Variants in AGBL1 observed in about 807,000 individuals in gnomAD.
The protein encoded by AGBL1 is AGBL carboxypeptidase 1.
A neutral mutation model predicts 118.9 loss-of-function variants in AGBL1; 130 were observed. The observed-to-expected ratio is 1.09, with a 90% CI of 0.95 to 1.26. The LOEUF (loss-of-function observed/expected upper bound fraction) is 1.26, where lower values mean the gene tolerates loss of function less well. Ranked by LOEUF, AGBL1 falls within the 50% of genes most tolerant of loss-of-function variation. The pLI is 0.00. For synonymous variants in AGBL1, 555 were observed against 478.9 expected (o/e 1.16, Z -2.08); for missense variants, 1,584 against 1,298.1 (o/e 1.22, Z -3.38).
chr15:86,847,502 G>T (rs189988438), intron 22 of AGBL1, among the ~76,000 whole-genome samples: 3 of 152,272 alleles, frequency 2.0e-5, no homozygotes. Flanking sequence ...GGCTGCTGTT[G>T]TTTCTACTCA....
intron 22 of AGBL1, among the ~76,000 whole-genome samples, chr15:86,811,052 A>G (rs930781762): frequency 1.3e-5 from 2 of 151,952 alleles, no homozygotes; most frequent in Admixed American, 6.5e-5. Context: ...TTAGAGAAAG[A>G]GAGAAGATGA....
chr15:86,655,664 C>G (rs541115120), intron 21 of AGBL1, among the ~76,000 whole-genome samples: 2 of 152,164 alleles, frequency 1.3e-5, no homozygotes, highest in East Asian at 1.9e-4. Flanking sequence ...AGAAATTGCC[C>G]TGGTGTGTTA....
At chr15:86,757,961 C>G (rs911167433) in intron 22 of AGBL1, among the ~76,000 whole-genome samples, 1 of 152,118 alleles carries the variant, frequency 6.6e-6, no homozygotes, top group Non-Finnish European at 1.5e-5. Flanking sequence ...CCATCTCTAA[C>G]AAAGAGAATA....
At chr15:86,739,911 G>A (rs908069152) in intron 22 of AGBL1, among the ~76,000 whole-genome samples, 6 of 152,126 alleles carry the variant, frequency 3.9e-5, no homozygotes, top group African/African-American at 1.4e-4. Context: ...CTGCTATGAA[G>A]AGAAATGTTT....
At chr15:86,168,569 T>C (rs1597486302) in intron 5 of AGBL1, among the ~76,000 whole-genome samples, 1 of 152,138 alleles carries the variant, frequency 6.6e-6, no homozygotes, top group South Asian at 2.1e-4. Context: ...CTGAAAAAGC[T>C]CAATAATAGG....
At chr15:86,664,874 T>C (rs2085615187) in intron 21 of AGBL1, among the ~76,000 whole-genome samples, 1 of 152,180 alleles carries the variant, frequency 6.6e-6, no homozygotes, top group South Asian at 2.1e-4. Flanking sequence ...TTAATTCAGA[T>C]ACACTTTTTT....
chr15:86,747,032 G>A (rs891493212), intron 22 of AGBL1, among the ~76,000 whole-genome samples: 2 of 151,970 alleles, frequency 1.3e-5, no homozygotes, highest in Non-Finnish European at 2.9e-5. Context: ...AATGGAAACT[G>A]GAAGTGAATA....
intron 4 of AGBL1, among the ~76,000 whole-genome samples, chr15:86,157,496 G>C (rs1336496170): frequency 6.6e-6 from 1 of 152,142 alleles, no homozygotes; most frequent in Admixed American, 6.5e-5. Context: ...CTTCAGCTGA[G>C]TTCTGAGAAG....
chr15:86,669,936 T>C (rs1224425397), intron 21 of AGBL1, among the ~76,000 whole-genome samples: 1 of 152,168 alleles, frequency 6.6e-6, no homozygotes, highest in Admixed American at 6.5e-5. Context: ...CTTGACTTTA[T>C]TCAACTTTAT....
intron 5 of AGBL1, among the ~76,000 whole-genome samples, chr15:86,205,431 C>T (rs1333538753): frequency 1.3e-5 from 2 of 152,202 alleles, no homozygotes; most frequent in African/African-American, 4.8e-5. Flanking sequence ...TGCAGATTTT[C>T]ATGTGGAGAT....
chr15:86,200,266 CCAGTGT>C (rs1039738214), intron 5 of AGBL1, among the ~76,000 whole-genome samples: 15 of 152,130 alleles, frequency 9.9e-5, no homozygotes, highest in Middle Eastern at 3.4e-3. Flanking sequence ...AGAAAAAGAA[CCAGTGT>C]CATTAAATTG....
At chr15:86,920,830 T>G (rs1038318147), downstream of AGBL1, among the ~76,000 whole-genome samples, 4 of 152,198 alleles carry the variant, frequency 2.6e-5, no homozygotes, top group African/African-American at 7.2e-5. Context: ...CATCTAAAAA[T>G]GTACTCTCTT....
chr15:86,314,276 ATAGCC>A (rs1310909220), intron 17 of AGBL1, among the ~76,000 whole-genome samples: 4 of 152,228 alleles, frequency 2.6e-5, no homozygotes, highest in Non-Finnish European at 1.5e-5. Flanking sequence ...CTAAACCAGG[ATAGCC>A]TGTTGCATGC....
In AGBL1 at chr15:86,476,069, T is replaced by C. The variant is rs1372552944; in HGVS notation, c.2556-46741T>C. Among the ~76,000 whole-genome samples, 8 of 152,098 alleles carry C rather than the reference T, an allele frequency of 5.3e-5. No homozygotes were observed. The South Asian group carries it at 1.5e-3, about 28-fold the overall frequency. The stretch of plus-strand genomic sequence containing the variant: ...ACCACCAGGCCTGCCTTACAAGAGC[T>C]CCTGAAGGAAGTACTAAATATGGAA... On this transcript the variant is annotated intron_variant, in intron 18 of 22. Coordinates refer to ENST00000614907, the MANE Select transcript of AGBL1 (RefSeq NM_001386094.1).
chr15:86,108,849 T>G (rs1897202200), intron 1 of AGBL1, among the ~76,000 whole-genome samples: 1 of 152,010 alleles, frequency 6.6e-6, no homozygotes, highest in African/African-American at 2.4e-5. Flanking sequence ...CCCAGCTACT[T>G]GGGAGGCTGA....
chr15:86,448,998 G>A (rs12439169), intron 18 of AGBL1, among the ~76,000 whole-genome samples: 16,851 of 152,170 alleles, frequency 0.11, 1,045 homozygotes, highest in South Asian at 0.17. Flanking sequence ...AAGGGCAGTC[G>A]AGGCTACAGG....
rs573723006 is a variant in AGBL1 at position 87,005,228 on chromosome 15, T to C, written c.3323+17140T>C. The stretch of plus-strand genomic sequence containing the variant: ...TTTCTCTGTCTTTCCTGAATTTGAA[T>C]GTTGGCCTGCCTTGCTAGATTGGGG... On this transcript the variant is annotated intron_variant, in intron 24 of 24. Coordinates refer to the AGBL1 transcript ENST00000441037. Among the ~76,000 whole-genome samples, 9 of 152,328 alleles carry C rather than the reference T, an allele frequency of 5.9e-5. No individual in the cohort carries two copies. In the South Asian group the frequency reaches 1.9e-3, roughly 32 times the overall value.
At position 86,095,647 on chromosome 15, in the gene AGBL1, C is replaced by CTTT. The variant is rs397854465; in HGVS notation, c.51+15650_51+15652dup. 7.2e-3 allele frequency among the ~76,000 whole-genome samples: 112 copies of CTTT among 15,542 alleles called. 5 individuals carry two copies. The highest frequency in any genetic ancestry group is 0.017 in the African/African-American group (105 of 6,312). 10.2% of individuals were successfully genotyped at this position (15,542 alleles called of 152,430 possible). A position where few individuals can be genotyped will look rare whatever the true frequency, so the allele number is the denominator to read the frequency against. On this transcript the variant is annotated intron_variant, in intron 1 of 22. Coordinates refer to ENST00000614907, the MANE Select transcript of AGBL1 (RefSeq NM_001386094.1). ...CATAATGTCACATGACCTTGGATAC[C>CTTT]TTTTTTTTTTTTTTTTTTTTTTTTT...
chr15:87,030,514 T>C (rs1160250275), downstream of AGBL1, among the ~76,000 whole-genome samples: 1 of 151,950 alleles, frequency 6.6e-6, no homozygotes, highest in Non-Finnish European at 1.5e-5. Context: ...AACAAAATCA[T>C]TGGTGTTTAA....
Sources: allele counts gnomAD v4.1 joint callset (sites outside exome capture counted in the v4.1 genomes callset), GRCh38; gene constraint gnomAD v4.1.1; transcripts MANE v1.5; gene names NCBI Gene and HGNC (gene_info 2026-07-23, HGNC 2026-07-21).